Variants in PRKG2 observed in about 807,000 individuals in gnomAD.
PRKG2 encodes the protein protein kinase cGMP-dependent 2.
Under a neutral mutation model 97.2 loss-of-function variants are expected in PRKG2, and 33 were observed. The ratio of observed to expected loss-of-function variants is 0.34; its 90% CI spans 0.26 to 0.45. The LOEUF (loss-of-function observed/expected upper bound fraction) is 0.45. PRKG2 is among the 20% of genes least tolerant of loss of function. The probability of loss-of-function intolerance (pLI) is 1.00; values close to 1 mark genes in which losing one functional copy is unlikely to be tolerated. For missense variants in PRKG2, 638 were observed against 900.0 expected (o/e 0.71, Z 3.73); for synonymous variants, 330 against 321.8 (o/e 1.03, Z -0.27).
chr4:81,207,775 CGT>C (rs1560630753), intron 1 of PRKG2, among the ~76,000 whole-genome samples: 1 of 152,108 alleles, frequency 6.6e-6, no homozygotes, highest in East Asian at 1.9e-4. Context: ...ATTTAAGATA[CGT>C]AAGTAAGTTA....
chr4:81,215,439 A>G (rs1045915341), upstream of PRKG2, among the ~76,000 whole-genome samples: 9 of 152,174 alleles, frequency 5.9e-5, no homozygotes, highest in Admixed American at 2.6e-4. Context: ...TAGGGCGATA[A>G]CATCGTGGTT....
chr4:81,131,402 G>A (rs1342415723), intron 14 of PRKG2, among the ~76,000 whole-genome samples: 1 of 152,188 alleles, frequency 6.6e-6, no homozygotes, highest in Non-Finnish European at 1.5e-5. Context: ...GCAGACCAGA[G>A]CTGTTCCTAT....
chr4:81,090,201 T>C (rs1221733821), intron 18 of PRKG2, among the ~76,000 whole-genome samples: 4 of 152,052 alleles, frequency 2.6e-5, no homozygotes, highest in Non-Finnish European at 4.4e-5. Flanking sequence ...CTATTAAAAA[T>C]ACAAAAATTA....
rs1578318685 is a variant in PRKG2 at position 81,091,832 on chromosome 4, A to C, written c.2193+554T>G. Reference sequence around the variant, plus strand: ...TCTAGAGCTGCACTATCCAATAACAAAACCATTAGCAACACGAAGTGACTG... The same window carrying C: ...TCTAGAGCTGCACTATCCAATAACACAACCATTAGCAACACGAAGTGACTG... On this transcript the variant is annotated intron_variant, in intron 18 of 18. Coordinates refer to ENST00000264399, the MANE Select transcript of PRKG2 (RefSeq NM_006259.3). Among the ~76,000 whole-genome samples the C allele has an allele frequency of 2.0e-5, 3 of 152,310 alleles. No homozygotes were observed. In the South Asian group the frequency reaches 6.2e-4, roughly 32 times the overall value.
intron 14 of PRKG2, among the ~76,000 whole-genome samples, chr4:81,124,505 A>G (rs1745366987): frequency 6.6e-6 from 1 of 152,212 alleles, no homozygotes; most frequent in African/African-American, 2.4e-5. Flanking sequence ...AGGTCTTCCA[A>G]AAGCTTTGTA....
At position 81,152,043 on chromosome 4, in the gene PRKG2, T is replaced by G; in HGVS notation, c.1002A>C (p.Thr334=). The G allele has an allele frequency of 6.2e-7, 1 of 1,611,020 alleles. No individual in the cohort carries two copies. The highest frequency in any genetic ancestry group is 8.5e-7 in the Non-Finnish European group (1 of 1,178,338). ...GTTGATCATGGCCTTCTGTGCTCTG[T>G]GTTACTTTTACCTAAACAATGTTAA... ...FILAKGKVKV[T]QSTEGHDQPQ... Residue 334 remains threonine (T), a synonymous_variant, in exon 8 of 19, where the codon ACA becomes ACC. Transcript: ENST00000264399.
At chr4:81,193,983 A>G (rs1384151994) in intron 2 of PRKG2, among the ~76,000 whole-genome samples, 1 of 152,122 alleles carries the variant, frequency 6.6e-6, no homozygotes, top group African/African-American at 2.4e-5. Flanking sequence ...ACCAAACCAC[A>G]CAGTGCCAGG....
intron 6 of PRKG2, among the ~76,000 whole-genome samples, chr4:81,159,228 T>A (rs28790663): frequency 2.6e-5 from 4 of 152,038 alleles, no homozygotes; most frequent in East Asian, 3.9e-4. Context: ...CAGGGCTAAT[T>A]TCCAGAATCT....
intron 14 of PRKG2, among the ~76,000 whole-genome samples, chr4:81,126,932 C>G (rs752754060): frequency 6.6e-6 from 1 of 152,122 alleles, no homozygotes; most frequent in Non-Finnish European, 1.5e-5. Flanking sequence ...GTTTTAGTCA[C>G]AAAGTCTTTG....
Position 81,177,616 on chromosome 4 carries a change from C to T in PRKG2, c.462-2657G>A, listed in dbSNP as rs374664602. Among the ~76,000 whole-genome samples the T allele has an allele frequency of 2.7e-3, 417 of 152,126 alleles. 3 individuals are homozygous for T. The highest frequency in any genetic ancestry group is 9.2e-3 in the African/African-American group (383 of 41,508). On this transcript the variant is annotated intron_variant, in intron 2 of 18. Transcript: ENST00000264399. ...TGTGGAGGCTGAGGCAGGAGAATGGCGTGAACCCAGAAGGCGGAAGTTGTA... is the reference window on the plus strand; with the variant it reads ...TGTGGAGGCTGAGGCAGGAGAATGGTGTGAACCCAGAAGGCGGAAGTTGTA...
At chr4:81,111,005 A>G (rs1331751758) in intron 14 of PRKG2, among the ~76,000 whole-genome samples, 1 of 152,038 alleles carries the variant, frequency 6.6e-6, no homozygotes, top group African/African-American at 2.4e-5. Flanking sequence ...TTTGGGAAGA[A>G]GAGACAAGGA....
At chr4:81,131,625 G>A (rs1455427359) in intron 14 of PRKG2, among the ~76,000 whole-genome samples, 1 of 152,138 alleles carries the variant, frequency 6.6e-6, no homozygotes, top group Non-Finnish European at 1.5e-5. Flanking sequence ...TTACGTCTAG[G>A]TGATTTACAG....
intron 17 of PRKG2, among the ~76,000 whole-genome samples, chr4:81,092,703 T>C (rs548193686): frequency 2.0e-4 from 31 of 152,158 alleles, no homozygotes; most frequent in Non-Finnish European, 4.1e-4. Context: ...CTATTAGATG[T>C]CTAATAGGCA....
chr4:81,140,384 C>A (rs987529104), intron 12 of PRKG2, 149 bp downstream of exon 12: 1 of 587,526 alleles, frequency 1.7e-6, no homozygotes. Flanking sequence ...GCATTGCATG[C>A]CTGTATCAAA....
At chr4:81,094,029 A>G (rs1189256769) in intron 17 of PRKG2, among the ~76,000 whole-genome samples, 1 of 152,176 alleles carries the variant, frequency 6.6e-6, no homozygotes, top group African/African-American at 2.4e-5. Context: ...GGTTATCACA[A>G]ACCTTCAATT....
intron 9 of PRKG2, among the ~76,000 whole-genome samples, chr4:81,147,150 A>G (rs1486399849): frequency 2.0e-5 from 3 of 152,212 alleles, no homozygotes; most frequent in African/African-American, 4.8e-5. Flanking sequence ...TGTAAGCCAT[A>G]TAAAATTATT....
At chr4:81,117,259 G>A (rs536354567) in intron 14 of PRKG2, among the ~76,000 whole-genome samples, 27 of 152,076 alleles carry the variant, frequency 1.8e-4, no homozygotes, top group African/African-American at 5.1e-4. Context: ...GTCCCAAAGC[G>A]CTGGGATTAC....
At chr4:81,130,081 C>T (rs1271752199) in intron 14 of PRKG2, among the ~76,000 whole-genome samples, 4 of 151,824 alleles carry the variant, frequency 2.6e-5, no homozygotes, top group African/African-American at 9.7e-5. Flanking sequence ...TATTTTTCCT[C>T]GTTTTGGGAA....
At chr4:81,148,027 T>G (rs1330797186) in intron 9 of PRKG2, among the ~76,000 whole-genome samples, 1 of 152,146 alleles carries the variant, frequency 6.6e-6, no homozygotes, top group African/African-American at 2.4e-5. Context: ...TTGATATGTT[T>G]AAAATTTTCT....
Sources: allele counts gnomAD v4.1 joint callset (sites outside exome capture counted in the v4.1 genomes callset), GRCh38; gene constraint gnomAD v4.1.1; transcripts MANE v1.5; gene names NCBI Gene and HGNC (gene_info 2026-07-23, HGNC 2026-07-21).